The following PDE8A variants were observed in gnomAD, a reference collection of about 807,000 sequenced individuals.
PDE8A encodes phosphodiesterase 8A, also known as high affinity cAMP-specific and IBMX-insensitive 3',5'-cyclic phosphodiesterase 8A.
In PDE8A, 59 loss-of-function variants were observed where a neutral mutation model predicts 105.0. The ratio of observed to expected loss-of-function variants is 0.56; its 90% confidence interval spans 0.46 to 0.70. PDE8A has a LOEUF of 0.70. Among genes scored for constraint, PDE8A ranks in the 30% least tolerant of loss-of-function variants. PDE8A has a pLI of 0.00. For synonymous variants in PDE8A, 355 were observed against 371.9 expected (o/e 0.95, Z 0.52); for missense variants, 1,014 against 1,045.9 (o/e 0.97, Z 0.42).
Position 84,982,342 on chromosome 15 carries a change from C to G in PDE8A, c.180C>G (p.Gly60=). The G allele has an allele frequency of 7.5e-7, 1 of 1,327,582 alleles. No homozygotes were observed. Among genetic ancestry groups the G allele is most frequent in the Non-Finnish European group, 9.6e-7 (1 of 1,042,308 alleles). The allele number at this position is 1,327,582 out of a possible 1,614,324, so 82.2% of individuals were successfully genotyped here. ...AGTCGGAGCTTCGCGACGGCAGCGG[C>G]AAGAAGGTAAGGGGCGCCGGGCACT... is the stretch of plus-strand genomic sequence containing the variant. ...LLESELRDGS[G]KKVAVADVQF... The change falls in exon 1 of 22, where the codon GGC becomes GGG. Residue 60 remains glycine, a synonymous_variant. Transcript: ENST00000394553.
At chr15:85,043,220 C>T (rs1417534174) in intron 1 of PDE8A, among the ~76,000 whole-genome samples, 1 of 152,156 alleles carries the variant, frequency 6.6e-6, no homozygotes, top group Non-Finnish European at 1.5e-5. Flanking sequence ...TCCATATCAC[C>T]CATGCCTGCT....
intron 14 of PDE8A, among the ~76,000 whole-genome samples, chr15:85,114,936 G>C (rs1235249026): frequency 6.6e-6 from 1 of 152,106 alleles, no homozygotes; most frequent in Non-Finnish European, 1.5e-5. Context: ...AGGTGGTCTG[G>C]AAGCAGTGGT....
At chr15:85,077,592 AGCCG>A (rs2081397495) in intron 5 of PDE8A, among the ~76,000 whole-genome samples, 1 of 152,150 alleles carries the variant, frequency 6.6e-6, no homozygotes, top group African/African-American at 2.4e-5. Context: ...GCTCAAGGGC[AGCCG>A]GCAGCAGTCA....
At chr15:85,090,672 G>C (rs1266238249) in intron 7 of PDE8A, 2 of 409,320 alleles carry the variant, frequency 4.9e-6, no homozygotes, top group Non-Finnish European at 1.0e-5. Flanking sequence ...CACTCTACCT[G>C]GTGCTTTATT....
At chr15:85,119,557 C>A (rs1314689962) in intron 17 of PDE8A, among the ~76,000 whole-genome samples, 1 of 146,972 alleles carries the variant, frequency 6.8e-6, no homozygotes, top group Admixed American at 7.0e-5. Flanking sequence ...TAATTTAAAT[C>A]AATTTAAATA....
At chr15:85,082,295 C>T (rs2141499818) in intron 5 of PDE8A, among the ~76,000 whole-genome samples, 1 of 152,156 alleles carries the variant, frequency 6.6e-6, no homozygotes. Flanking sequence ...TGCTCCTGGT[C>T]AACAGGTCTT....
At chr15:85,040,868 T>C (rs2080796060) in intron 1 of PDE8A, among the ~76,000 whole-genome samples, 1 of 152,226 alleles carries the variant, frequency 6.6e-6, no homozygotes, top group African/African-American at 2.4e-5. Flanking sequence ...CTTGCTTATG[T>C]ATTTTTAATT....
chr15:85,122,503 T>A (rs932920025), intron 18 of PDE8A, among the ~76,000 whole-genome samples: 1 of 152,240 alleles, frequency 6.6e-6, no homozygotes, highest in South Asian at 2.1e-4. Flanking sequence ...GAAAACTACA[T>A]GAGACCCTAT....
chr15:85,123,825 T>G (rs1371290099), intron 19 of PDE8A, among the ~76,000 whole-genome samples: 2 of 152,152 alleles, frequency 1.3e-5, no homozygotes, highest in Admixed American at 1.3e-4. Flanking sequence ...TGCAAAAACT[T>G]GGCAGGAAAA....
At chr15:85,102,222 G>A (rs1031418524) in intron 11 of PDE8A, among the ~76,000 whole-genome samples, 2 of 152,162 alleles carry the variant, frequency 1.3e-5, no homozygotes, top group African/African-American at 2.4e-5. Context: ...TTAGAGGGAC[G>A]AGGGAGTCTG....
intron 6 of PDE8A, among the ~76,000 whole-genome samples, chr15:85,088,088 G>T (rs188767221): frequency 2.0e-5 from 3 of 152,112 alleles, no homozygotes; most frequent in African/African-American, 4.8e-5. Flanking sequence ...ATGCAATCTC[G>T]GCTCACTGCA....
intron 1 of PDE8A, among the ~76,000 whole-genome samples, chr15:85,056,776 A>G (rs967426955): frequency 6.6e-6 from 1 of 152,204 alleles, no homozygotes; most frequent in African/African-American, 2.4e-5. Context: ...AGCTCGGAGA[A>G]GTTCGTTATT....
chr15:85,004,149 C>T (rs2080108950), intron 1 of PDE8A, among the ~76,000 whole-genome samples: 1 of 152,212 alleles, frequency 6.6e-6, no homozygotes, highest in Non-Finnish European at 1.5e-5. Context: ...GCCTCTGCCA[C>T]AGCTTCTTTG....
chr15:85,060,162 T>A (rs2081121442), intron 1 of PDE8A, among the ~76,000 whole-genome samples: 1 of 152,208 alleles, frequency 6.6e-6, no homozygotes, highest in Admixed American at 6.5e-5. Context: ...AATATTTAAA[T>A]TCCTTTCTCA....
chr15:84,984,908 G>A (rs192230089), intron 1 of PDE8A, among the ~76,000 whole-genome samples: 3 of 150,624 alleles, frequency 2.0e-5, no homozygotes, highest in Admixed American at 2.0e-4. Context: ...ATATAATGCA[G>A]ATATTCCAAA....
chr15:85,041,575 C>A (rs974260951), intron 1 of PDE8A, among the ~76,000 whole-genome samples: 4 of 152,200 alleles, frequency 2.6e-5, no homozygotes, highest in Non-Finnish European at 5.9e-5. Context: ...AGACTTTCCG[C>A]CCACCATTTT....
chr15:85,025,715 T>C (rs539061846), intron 1 of PDE8A, among the ~76,000 whole-genome samples: 23 of 152,224 alleles, frequency 1.5e-4, no homozygotes, highest in Non-Finnish European at 2.6e-4. Context: ...TAGAGGTACA[T>C]AGGCCACCTT....
At chr15:85,007,932 A>C (rs2141325496) in intron 1 of PDE8A, among the ~76,000 whole-genome samples, 1 of 152,256 alleles carries the variant, frequency 6.6e-6, no homozygotes, top group Non-Finnish European at 1.5e-5. Flanking sequence ...GTTGGACTGC[A>C]GCTCATAGTC....
At chr15:85,009,114 T>A (rs1459538929) in intron 1 of PDE8A, among the ~76,000 whole-genome samples, 464 of 32,296 alleles carry the variant, frequency 0.014, 1 homozygote, top group African/African-American at 0.032. Flanking sequence ...AGAGAGAGTG[T>A]GTGTGTGTGT....
Sources: gnomAD v4.1 joint callset for allele counts (sites outside exome capture counted in the v4.1 genomes callset) on GRCh38, gnomAD v4.1.1 for gene constraint, MANE v1.5 for transcripts, NCBI Gene and HGNC (gene_info 2026-07-23, HGNC 2026-07-21) for gene names.